The following ARHGAP42 variants were observed in gnomAD, a reference collection of about 807,000 sequenced individuals.
ARHGAP42 encodes rho GTPase-activating protein 42.
A neutral mutation model predicts 125.0 loss-of-function variants in ARHGAP42; 63 were observed. That is an observed-to-expected ratio of 0.50 (90% confidence interval 0.41 to 0.62). The LOEUF (loss-of-function observed/expected upper bound fraction) is 0.62. ARHGAP42 is among the 20% of genes least tolerant of loss of function. The probability of loss-of-function intolerance (pLI) is 0.00; values close to 1 mark genes in which losing one functional copy is unlikely to be tolerated. For missense variants in ARHGAP42, 766 were observed against 1,024.2 expected, an observed-to-expected ratio of 0.75 and a Z score of 3.44; for synonymous variants, 339 against 351.0, an observed-to-expected ratio of 0.97 and a Z score of 0.38.
Position 100,770,423 on chromosome 11 carries a change from G to A in ARHGAP42, c.235G>A (p.Asp79Asn). ...ATGTATTGGTGATGCTGAAACAGAT[G>A]ATGAAATTAGTATTGGTAAGTACTA... ...FECIGDAETD[D>N]EISIAQSLKE... Residue 79 changes from aspartate to asparagine, a missense_variant, in exon 2 of 24, where the codon GAT (aspartate) becomes AAT (asparagine). Asp to Asn is a conservative substitution (Grantham distance 23). Coordinates refer to ENST00000298815, the MANE Select transcript of ARHGAP42 (RefSeq NM_152432.4). 1.3e-6 allele frequency: 2 copies of A among 1,549,062 alleles called. No homozygotes were observed. The highest frequency in any genetic ancestry group is 1.2e-5 in the South Asian group (1 of 83,596).
In ARHGAP42 at chr11:100,688,678, T is replaced by C. The variant is rs544863265; in HGVS notation, c.154+846T>C. The stretch of plus-strand genomic sequence containing the variant: ...GAGAATTGAGCACAATTACATGATA[T>C]GGCTTGTTACCTTTCCCAGGAGGTA... On this transcript the variant is annotated intron_variant, in intron 1 of 23. Transcript: ENST00000298815. 3.3e-5 allele frequency among the ~76,000 whole-genome samples: 5 copies of C among 152,366 alleles called. No homozygotes were observed. The East Asian group carries it at 9.6e-4, about 29-fold the overall frequency.
chr11:100,690,619 CAG>C (rs1458457894), intron 1 of ARHGAP42, among the ~76,000 whole-genome samples: 1 of 152,032 alleles, frequency 6.6e-6, no homozygotes, highest in African/African-American at 2.4e-5. Flanking sequence ...TCTTTTGTGA[CAG>C]AGTCTCGCTC....
chr11:100,837,666 C>CTTTTTTTTTTTTTTTT lies in ARHGAP42; in HGVS notation c.313-21872_313-21857dup, dbSNP rs373059302. On this transcript the variant is annotated intron_variant, in intron 3 of 23. Transcript: ENST00000298815. The stretch of plus-strand genomic sequence containing the variant: ...CAGTTCCCAGAATCTAGGTGTCATC[C>CTTTTTTTTTTTTTTTT]TTTTTTTTTTTTTTTTTTTTTTTTT... Among the ~76,000 whole-genome samples the CTTTTTTTTTTTTTTTT allele has an allele frequency of 5.5e-3, 335 of 60,838 alleles. 32 individuals are homozygous for CTTTTTTTTTTTTTTTT. Among genetic ancestry groups the CTTTTTTTTTTTTTTTT allele is most frequent in the East Asian group, 8.8e-3 (15 of 1,698 alleles). The allele number at this position is 60,838 out of a possible 152,430, so 39.9% of individuals were successfully genotyped here. A position where few individuals can be genotyped will look rare whatever the true frequency, so the allele number is the denominator to read the frequency against.
intron 22 of ARHGAP42, among the ~76,000 whole-genome samples, chr11:100,980,008 T>C (rs767189141): frequency 6.6e-6 from 1 of 152,240 alleles, no homozygotes; most frequent in Non-Finnish European, 1.5e-5. Flanking sequence ...ACTGGGCATG[T>C]GATAGTTATT....
At chr11:100,820,010 G>T (rs1444930943) in intron 3 of ARHGAP42, among the ~76,000 whole-genome samples, 1 of 151,998 alleles carries the variant, frequency 6.6e-6, no homozygotes, top group South Asian at 2.1e-4. Context: ...GATAATTTTT[G>T]GTGCAGGATC....
chr11:100,798,602 A>G (rs542511050), intron 3 of ARHGAP42, among the ~76,000 whole-genome samples: 1 of 152,268 alleles, frequency 6.6e-6, no homozygotes, highest in Non-Finnish European at 1.5e-5. Flanking sequence ...TATTACATAA[A>G]TATAACTTAT....
intron 4 of ARHGAP42, among the ~76,000 whole-genome samples, chr11:100,879,277 G>A (rs1257231664): frequency 6.6e-6 from 1 of 152,108 alleles, no homozygotes; most frequent in African/African-American, 2.4e-5. Flanking sequence ...GAGTAATGTG[G>A]TCCTCTCTAT....
At chr11:100,972,334 C>G (rs970308213) in intron 17 of ARHGAP42, among the ~76,000 whole-genome samples, 2 of 152,108 alleles carry the variant, frequency 1.3e-5, no homozygotes, top group Non-Finnish European at 2.9e-5. Flanking sequence ...TATCTAATTT[C>G]CAGAATAGAT....
At chr11:100,921,231 ATATATATATATATATTTTTTTTTTTT>A (rs1476815609) in intron 5 of ARHGAP42, among the ~76,000 whole-genome samples, 11 of 48,202 alleles carry the variant, frequency 2.3e-4, no homozygotes, top group Non-Finnish European at 3.6e-4. Context: ...ATATATATAT[ATATATATATATATATTTTTTTTTTTT>A]TTTTTTTTTT....
intron 4 of ARHGAP42, among the ~76,000 whole-genome samples, chr11:100,898,334 A>G (rs1866420401): frequency 6.6e-6 from 1 of 152,190 alleles, no homozygotes; most frequent in Admixed American, 6.5e-5. Flanking sequence ...AGGCTTTGGT[A>G]TCAGGATGAT....
At chr11:100,736,380 G>A (rs1006899989) in intron 1 of ARHGAP42, among the ~76,000 whole-genome samples, 3 of 152,170 alleles carry the variant, frequency 2.0e-5, no homozygotes, top group South Asian at 2.1e-4. Context: ...GAACTTGGTG[G>A]AAATCCCCCT....
In ARHGAP42 at chr11:100,943,760, A is replaced by C. The variant is rs757606430; in HGVS notation, c.935A>C (p.Asn312Thr). Residue 312 changes from asparagine to threonine, a missense_variant and splice_region_variant, in exon 10 of 24, where the codon AAT (asparagine) becomes ACT (threonine). Coordinates refer to ENST00000298815, the MANE Select transcript of ARHGAP42 (RefSeq NM_152432.4). Reference protein sequence around the residue: ...VSEMKSSGKMNGLVTSSPEMF... With the variant: ...VSEMKSSGKMTGLVTSSPEMF... Reference sequence around the variant, plus strand: ...ACTGTGGTACTCTTCTTGTTTCAGAATGGCCTTGTTACTAGCTCACCGGAA... The same window carrying C: ...ACTGTGGTACTCTTCTTGTTTCAGACTGGCCTTGTTACTAGCTCACCGGAA... The C allele has an allele frequency of 6.5e-7, 1 of 1,543,142 alleles. No homozygotes were observed.
chr11:100,939,519 T>A (rs575524751), intron 8 of ARHGAP42, among the ~76,000 whole-genome samples: 27 of 152,270 alleles, frequency 1.8e-4, no homozygotes, highest in Non-Finnish European at 1.8e-4. Flanking sequence ...AGGCTCAGTT[T>A]TCTTAAAATG....
chr11:100,883,226 G>A (rs1038141513), intron 4 of ARHGAP42, among the ~76,000 whole-genome samples: 20 of 152,012 alleles, frequency 1.3e-4, no homozygotes, highest in African/African-American at 4.8e-4. Context: ...CTTTGTACAT[G>A]CCAGTGTTCA....
intron 3 of ARHGAP42, among the ~76,000 whole-genome samples, chr11:100,852,169 A>G (rs1017846841): frequency 6.6e-6 from 1 of 151,992 alleles, no homozygotes; most frequent in Non-Finnish European, 1.5e-5. Context: ...ATTCTCCCCC[A>G]TTAATGCACA....
Position 100,795,174 on chromosome 11 carries a change from T to C in ARHGAP42, c.312+8T>C. On this transcript the variant is annotated splice_region_variant and intron_variant, in intron 3 of 23. Transcript: ENST00000298815. ...GAAGAAAGGCGAAGACTGGTAAGTC[T>C]GTTCTGTATTTCTTAAGAATATTGC... The C allele has an allele frequency of 3.9e-6, 6 of 1,520,920 alleles. No homozygotes were observed. The South Asian group carries it at 7.7e-5, about 19-fold the overall frequency. The allele number at this position is 1,520,920 out of a possible 1,614,324, so 94.2% of individuals were successfully genotyped here. A position where few individuals can be genotyped will look rare whatever the true frequency, so the allele number is the denominator to read the frequency against.
In ARHGAP42 at chr11:100,948,496, T is replaced by G; in HGVS notation, c.1083T>G (p.Asn361Lys). The G allele has an allele frequency of 1.3e-6, 2 of 1,550,196 alleles. No individual in the cohort carries two copies. The highest frequency in any genetic ancestry group is 1.7e-6 in the Non-Finnish European group (2 of 1,145,944). ...CGTTACAGGCCTTCTCAGAAGCTAA[T>G]AGGAAACTCTGGCTTGAAGCCATGG... ...IITLQAFSEANRKLWLEAMDG... is the reference protein window; with the variant it reads ...IITLQAFSEAKRKLWLEAMDG... Residue 361 changes from asparagine (N) to lysine (K), a missense_variant, in exon 11 of 24, where the codon AAT becomes AAG. By Grantham distance (94) the Asn-to-Lys change is moderately conservative. Coordinates refer to ENST00000298815, the MANE Select transcript of ARHGAP42 (RefSeq NM_152432.4).
chr11:100,721,538 T>C lies in ARHGAP42; in HGVS notation c.154+33706T>C, dbSNP rs947459809. Among the ~76,000 whole-genome samples the C allele has an allele frequency of 4.6e-5, 7 of 152,006 alleles. No individual in the cohort carries two copies. In the East Asian group the frequency reaches 1.2e-3, roughly 25 times the overall value. ...CCCAGCCTGGAGTGCAGTGTCGTGA[T>C]CTTGGCTCACTGCAACCTCTGCCTC... On this transcript the variant is annotated intron_variant, in intron 1 of 23. Transcript: ENST00000298815.
chr11:100,694,291 C>A (rs1174778730), intron 1 of ARHGAP42, among the ~76,000 whole-genome samples: 1 of 152,082 alleles, frequency 6.6e-6, no homozygotes, highest in Non-Finnish European at 1.5e-5. Context: ...AGTGGCAAAT[C>A]TTTTCTCTAG....
Sources: gnomAD v4.1 joint callset for allele counts (sites outside exome capture counted in the v4.1 genomes callset) on GRCh38, gnomAD v4.1.1 for gene constraint, MANE v1.5 for transcripts, NCBI Gene and HGNC (gene_info 2026-07-23, HGNC 2026-07-21) for gene names.